OTOGL: variants seen among roughly 807,000 people sequenced by gnomAD.
OTOGL encodes the protein otogelin like.
In OTOGL, 285 loss-of-function variants were observed where a neutral mutation model predicts 318.5. That is an observed-to-expected ratio of 0.89 (90% CI 0.81 to 0.99). OTOGL has a LOEUF of 0.99. OTOGL is among the 50% of genes least tolerant of loss of function. OTOGL has a pLI of 0.00. For missense variants in OTOGL, 2,899 were observed against 2,845.6 expected (o/e 1.02, Z -0.43); for synonymous variants, 987 against 936.5 (o/e 1.05, Z -0.99).
At chr12:80,268,368 A>G (rs910200934) in intron 22 of OTOGL, among the ~76,000 whole-genome samples, 1 of 152,182 alleles carries the variant, frequency 6.6e-6, no homozygotes, top group African/African-American at 2.4e-5. Flanking sequence ...CAGGTGAGGA[A>G]AATGGGATAC....
At chr12:80,369,552 A>T (rs1890754530) in intron 55 of OTOGL, among the ~76,000 whole-genome samples, 1 of 152,068 alleles carries the variant, frequency 6.6e-6, no homozygotes, top group African/African-American at 2.4e-5. Context: ...GAATAGTAGT[A>T]AGAATAGAGT....
chr12:80,370,412 A>G (rs921782412), intron 55 of OTOGL, among the ~76,000 whole-genome samples, 158 bp from the exon 56 acceptor site: 1 of 70,888 alleles, frequency 1.4e-5, no homozygotes, highest in Non-Finnish European at 4.7e-5. Context: ...ATTTTTAATC[A>G]TTTTAGATAA....
At position 80,356,455 on chromosome 12, in the gene OTOGL, G is replaced by A. The variant is rs759103536; in HGVS notation, c.5846G>A (p.Cys1949Tyr). The A allele has an allele frequency of 1.9e-6, 3 of 1,611,740 alleles. No homozygotes were observed. Among genetic ancestry groups the A allele is most frequent in the Non-Finnish European group, 2.5e-6 (3 of 1,178,962 alleles). The part of the protein sequence containing the change: ...TTLCETSIPT[C>Y]TNSQKLIVGH... The stretch of plus-strand genomic sequence containing the variant: ...TTGTGTGAAACTAGCATTCCAACAT[G>A]TACAAATAGTCAAAAATTGATTGTT... Residue 1949 changes from cysteine to tyrosine, a missense_variant, in exon 48 of 59, where the codon TGT (cysteine) becomes TAT (tyrosine). Coordinates refer to ENST00000547103, the MANE Select transcript of OTOGL (RefSeq NM_001378609.3).
chr12:80,226,013 A>G (rs1234790841), intron 7 of OTOGL, among the ~76,000 whole-genome samples: 1 of 152,140 alleles, frequency 6.6e-6, no homozygotes, highest in African/African-American at 2.4e-5. Flanking sequence ...AGCCTGGCTC[A>G]CAAGAGACAA....
At chr12:80,350,414 T>A (rs900738649) in intron 44 of OTOGL, among the ~76,000 whole-genome samples, 1 of 152,222 alleles carries the variant, frequency 6.6e-6, no homozygotes, top group Non-Finnish European at 1.5e-5. Flanking sequence ...CCTTTGGATA[T>A]GTACGTAGTA....
chr12:80,342,320 A>T (rs1041876700), intron 44 of OTOGL, among the ~76,000 whole-genome samples, 158 bp downstream of exon 44: 5 of 152,238 alleles, frequency 3.3e-5, no homozygotes, highest in Non-Finnish European at 7.3e-5. Context: ...TATTGTTTAC[A>T]GGCTTACAAA....
intron 28 of OTOGL, 95 bp downstream of exon 28, chr12:80,302,878 A>T (rs1271607617): frequency 2.6e-6 from 3 of 1,133,580 alleles, no homozygotes; most frequent in Non-Finnish European, 3.4e-6. Flanking sequence ...GTTTTCCTTT[A>T]AGAACTAGGT....
intron 26 of OTOGL, among the ~76,000 whole-genome samples, chr12:80,285,817 A>G (rs1186524174): frequency 2.0e-5 from 3 of 152,176 alleles, no homozygotes; most frequent in Admixed American, 1.3e-4. Flanking sequence ...GTCATCTGCA[A>G]ACCGAGACAA....
intron 1 of OTOGL, among the ~76,000 whole-genome samples, chr12:80,150,441 G>A (rs754083980): frequency 3.3e-5 from 5 of 152,204 alleles, no homozygotes; most frequent in Admixed American, 3.3e-4. Context: ...CCAGTAGTCT[G>A]GGAGATCAAA....
intron 26 of OTOGL, among the ~76,000 whole-genome samples, chr12:80,289,630 G>A (rs1358007742): frequency 6.6e-6 from 1 of 152,206 alleles, no homozygotes; most frequent in Non-Finnish European, 1.5e-5. Flanking sequence ...TCTGGCCACA[G>A]CCACTTTGCC....
At chr12:80,135,746 G>A (rs1529032) in intron 1 of OTOGL, among the ~76,000 whole-genome samples, 3,785 of 152,250 alleles carry the variant, frequency 0.025, 157 homozygotes, top group African/African-American at 0.087. Context: ...TTTTTGTGAG[G>A]GTATTCTTGG....
At chr12:80,307,875 C>T (rs1485307210) in intron 29 of OTOGL, among the ~76,000 whole-genome samples, 5 of 138,762 alleles carry the variant, frequency 3.6e-5, no homozygotes, top group Admixed American at 6.9e-5. Flanking sequence ...GGGCTGACCC[C>T]CCCACCTCCC....
At chr12:80,270,058 A>T in intron 22 of OTOGL, 44 bp from the exon 23 acceptor site, 1 of 1,354,672 alleles carries the variant, frequency 7.4e-7, no homozygotes, top group Non-Finnish European at 1.0e-6. Context: ...AAAAAAAAAA[A>T]CAACAGATTT....
intron 26 of OTOGL, among the ~76,000 whole-genome samples, chr12:80,283,465 T>C (rs1016128172): frequency 2.2e-4 from 33 of 152,056 alleles, no homozygotes; most frequent in African/African-American, 7.2e-4. Flanking sequence ...CTATTGTGTT[T>C]ATAGTCATAA....
Position 80,355,870 on chromosome 12 carries a change from A to T in OTOGL, c.5728A>T (p.Thr1910Ser), listed in dbSNP as rs370806881. ...PIEPDCDEEP[T>S]PVCEREAEVV... ...AGAACCTGACTGTGATGAAGAGCCC[A>T]CGCCAGTTTGTGAACGAGAAGCTGA... Residue 1910 changes from threonine (T) to serine (S), a missense_variant, in exon 47 of 59, where the codon ACG becomes TCG. This residue lies in a region of OTOGL where 2,607 missense variants were observed against 2,524.9 expected (regional missense o/e 1.03). Coordinates refer to ENST00000547103, the MANE Select transcript of OTOGL (RefSeq NM_001378609.3). The T allele has an allele frequency of 1.9e-5, 30 of 1,613,844 alleles. No individual in the cohort carries two copies. The African/African-American group carries it at 2.9e-4, about 16-fold the overall frequency.
intron 1 of OTOGL, among the ~76,000 whole-genome samples, chr12:80,184,735 AT>A (rs1403715879): frequency 6.6e-6 from 1 of 152,094 alleles, no homozygotes; most frequent in African/African-American, 2.4e-5. Context: ...GGTGTTGAGG[AT>A]TTCATTGGTT....
rs1887641791 is a variant in OTOGL at position 80,325,790 on chromosome 12, G to A, written c.4199+1950G>A. Among the ~76,000 whole-genome samples the A allele has an allele frequency of 1.3e-5, 2 of 152,176 alleles. 1 individual carries two copies. The highest frequency in any genetic ancestry group is 4.1e-4 in the South Asian group (2 of 4,830). ...GAAGGGCATGTGGGGAAGGAAGGAA[G>A]ACAGCAGCAGGCACAGCTGGCAGGG... On this transcript the variant is annotated intron_variant, in intron 35 of 58. Transcript: ENST00000547103.
chr12:80,359,532 ACTTTT>A (rs1890117697), intron 52 of OTOGL, among the ~76,000 whole-genome samples: 1 of 152,158 alleles, frequency 6.6e-6, no homozygotes, highest in Non-Finnish European at 1.5e-5. Flanking sequence ...AAGACATTTT[ACTTTT>A]CTTTTCCTTC....
At chr12:80,305,806 G>C in intron 29 of OTOGL, 111 bp downstream of exon 29, 1 of 890,632 alleles carries the variant, frequency 1.1e-6, no homozygotes, top group East Asian at 3.1e-5. Flanking sequence ...TATTTTCATA[G>C]TAATTTATAG....
Sources: allele counts gnomAD v4.1 joint callset (sites outside exome capture counted in the v4.1 genomes callset), GRCh38; gene constraint gnomAD v4.1.1; regional missense constraint gnomAD v4.1.1; transcripts MANE v1.5; gene names NCBI Gene and HGNC (gene_info 2026-07-23, HGNC 2026-07-21).